The following OPCML variants were observed in gnomAD, a reference collection of about 807,000 sequenced individuals.
OPCML encodes opioid-binding protein/cell adhesion molecule.
Under a neutral mutation model 37.8 loss-of-function variants are expected in OPCML, and 13 were observed. The observed-to-expected ratio is 0.34, with a 90% confidence interval of 0.22 to 0.55. OPCML has a LOEUF of 0.55. Ranked by LOEUF, OPCML falls within the 20% of genes least tolerant of loss-of-function variation. The probability of loss-of-function intolerance (pLI) is 0.91; values close to 1 mark genes in which losing one functional copy is unlikely to be tolerated. For synonymous variants in OPCML, 176 were observed against 168.8 expected (o/e 1.04, Z -0.33); for missense variants, 341 against 435.6 (o/e 0.78, Z 1.93).
chr11:132,679,749 A>T (rs531618738), intron 2 of OPCML, among the ~76,000 whole-genome samples: 2 of 152,356 alleles, frequency 1.3e-5, no homozygotes, highest in African/African-American at 4.8e-5. Context: ...AGTGTATGGC[A>T]TGTAAATTAT....
chr11:133,333,402 C>G (rs1731705017), intron 1 of OPCML, among the ~76,000 whole-genome samples: 1 of 152,204 alleles, frequency 6.6e-6, no homozygotes, highest in South Asian at 2.1e-4. Context: ...AAAAAAACTC[C>G]CTATTCAGTA....
chr11:133,482,825 GA>G (rs532916132), intron 1 of OPCML, among the ~76,000 whole-genome samples: 1 of 150,304 alleles, frequency 6.7e-6, no homozygotes, highest in East Asian at 1.9e-4. Flanking sequence ...GAATTCAACA[GA>G]AAAAAAAATA....
chr11:133,184,357 A>T (rs552089191), intron 1 of OPCML, among the ~76,000 whole-genome samples: 8 of 152,306 alleles, frequency 5.3e-5, no homozygotes, highest in African/African-American at 1.9e-4. Context: ...AGGTGGGATT[A>T]GTCTTCTTCA....
chr11:132,740,084 A>G lies in OPCML; in HGVS notation c.147-82765T>C, dbSNP rs1245867785. On this transcript the variant is annotated intron_variant, in intron 2 of 7. Transcript: ENST00000524381. The stretch of plus-strand genomic sequence containing the variant: ...ACTTCTAAATGTGCATATTGCTTAG[A>G]AGAGTCAGAGGGTACAGAAAGAAAA... 5.3e-5 allele frequency among the ~76,000 whole-genome samples: 8 copies of G among 152,346 alleles called. No individual in the cohort carries two copies. The South Asian group carries it at 1.7e-3, about 32-fold the overall frequency.
At chr11:132,953,268 G>C (rs939934264) in intron 1 of OPCML, among the ~76,000 whole-genome samples, 1 of 152,100 alleles carries the variant, frequency 6.6e-6, no homozygotes, top group Non-Finnish European at 1.5e-5. Flanking sequence ...TTTGCTGCAC[G>C]AGAGAACTGA....
intron 2 of OPCML, among the ~76,000 whole-genome samples, chr11:132,886,256 C>T (rs892204909): frequency 1.3e-5 from 2 of 152,088 alleles, no homozygotes; most frequent in Non-Finnish European, 2.9e-5. Flanking sequence ...AATTATCAGT[C>T]GTTAAATAAC....
chr11:133,256,067 A>ATTTGTACTCTTAT (rs1267287724), intron 1 of OPCML, among the ~76,000 whole-genome samples: 1 of 152,160 alleles, frequency 6.6e-6, no homozygotes, highest in Non-Finnish European at 1.5e-5. Context: ...TTTATCACAA[A>ATTTGTACTCTTAT]TTTGTACTCT....
At chr11:133,132,109 C>A (rs1434439297) in intron 1 of OPCML, among the ~76,000 whole-genome samples, 1 of 152,138 alleles carries the variant, frequency 6.6e-6, no homozygotes, top group Non-Finnish European at 1.5e-5. Flanking sequence ...ACAAATACCA[C>A]TGAAAGTGTT....
chr11:132,819,776 G>A (rs946904252), intron 2 of OPCML, among the ~76,000 whole-genome samples: 9 of 152,126 alleles, frequency 5.9e-5, no homozygotes, highest in African/African-American at 1.9e-4. Context: ...AATACAACAA[G>A]AGACATCATC....
At chr11:133,210,854 A>C (rs2136340571) in intron 1 of OPCML, among the ~76,000 whole-genome samples, 1 of 152,236 alleles carries the variant, frequency 6.6e-6, no homozygotes, top group African/African-American at 2.4e-5. Flanking sequence ...CAGAAGATTA[A>C]ATGTAGTGCC....
chr11:132,444,705 C>T (rs1377314982), intron 4 of OPCML, among the ~76,000 whole-genome samples: 1 of 152,078 alleles, frequency 6.6e-6, no homozygotes, highest in African/African-American at 2.4e-5. Context: ...CAGGCTCTGC[C>T]CCACATTTTC....
chr11:132,416,011 G>A lies in OPCML; in HGVS notation c.*4182C>T, dbSNP rs1441279141. On this transcript the variant is annotated 3_prime_UTR_variant, in exon 8 of 8. Transcript: ENST00000524381. ...ATTTGTCTTCAAGTAAAAAGACAGG[G>A]AAGCTCTGAATAATAGGAGGGGAGG... The A allele has an allele frequency of 6.6e-6, 1 of 152,588 alleles. No individual in the cohort carries two copies. The highest frequency in any genetic ancestry group is 2.4e-5 in the African/African-American group (1 of 41,430). 9.5% of individuals were successfully genotyped at this position (152,588 alleles called of 1,614,324 possible).
intron 2 of OPCML, among the ~76,000 whole-genome samples, chr11:132,813,360 A>T (rs1006665812): frequency 1.3e-5 from 2 of 152,324 alleles, no homozygotes; most frequent in Admixed American, 1.3e-4. Flanking sequence ...AGAGTTTATT[A>T]AGAGGGTTGT....
chr11:132,733,046 A>C (rs560295829), intron 2 of OPCML, among the ~76,000 whole-genome samples: 5 of 152,282 alleles, frequency 3.3e-5, no homozygotes, highest in Admixed American at 3.3e-4. Flanking sequence ...ATTTGTTATA[A>C]ATTTTCATTT....
At chr11:132,822,468 A>G (rs1028095967) in intron 2 of OPCML, among the ~76,000 whole-genome samples, 5 of 152,148 alleles carry the variant, frequency 3.3e-5, no homozygotes, top group African/African-American at 1.2e-4. Context: ...TATAAGAGAA[A>G]GGCTTTTCAA....
chr11:132,919,909 C>A (rs958502253), intron 2 of OPCML, among the ~76,000 whole-genome samples: 1 of 152,100 alleles, frequency 6.6e-6, no homozygotes, highest in African/African-American at 2.4e-5. Context: ...GCGTATTGTG[C>A]GAGTCCACAT....
At chr11:132,548,159 G>T (rs1168250078) in intron 3 of OPCML, among the ~76,000 whole-genome samples, 1 of 152,168 alleles carries the variant, frequency 6.6e-6, no homozygotes, top group Non-Finnish European at 1.5e-5. Flanking sequence ...CACTGATCAA[G>T]ACTTATGAGC....
chr11:133,181,428 C>T (rs1937827396), intron 1 of OPCML, among the ~76,000 whole-genome samples: 1 of 151,842 alleles, frequency 6.6e-6, no homozygotes, highest in African/African-American at 2.4e-5. Flanking sequence ...TTTTCAACTA[C>T]TTGTGAATCT....
chr11:132,844,970 T>TTTTTTG (rs1392089774), intron 2 of OPCML, among the ~76,000 whole-genome samples: 1 of 151,908 alleles, frequency 6.6e-6, no homozygotes, highest in Non-Finnish European at 1.5e-5. Flanking sequence ...AACCTATTTT[T>TTTTTTG]TTTTTGTTTT....
Sources: gnomAD v4.1 joint callset for allele counts (sites outside exome capture counted in the v4.1 genomes callset) on GRCh38, gnomAD v4.1.1 for gene constraint, MANE v1.5 for transcripts, NCBI Gene and HGNC (gene_info 2026-07-23, HGNC 2026-07-21) for gene names.